ARID4B: variants seen among roughly 807,000 people sequenced by gnomAD.
ARID4B encodes the protein AT-rich interactive domain-containing protein 4B.
A neutral mutation model predicts 147.5 loss-of-function variants in ARID4B; 26 were observed. The ratio of observed to expected loss-of-function variants is 0.18; its 90% CI spans 0.13 to 0.24. The LOEUF (loss-of-function observed/expected upper bound fraction) is 0.24, where lower values mean the gene tolerates loss of function less well. ARID4B is among the 10% of genes least tolerant of loss of function. ARID4B has a pLI of 1.00. For missense variants in ARID4B, 1,179 were observed against 1,511.5 expected, an observed-to-expected ratio of 0.78 and a Z score of 3.65; for synonymous variants, 512 against 507.9, an observed-to-expected ratio of 1.01 and a Z score of -0.11.
intron 2 of ARID4B, among the ~76,000 whole-genome samples, chr1:235,309,652 C>A (rs1464262235): frequency 8.0e-6 from 1 of 125,338 alleles, no homozygotes. Flanking sequence ...TCTGCCCGGC[C>A]GCCACCCCGT....
chr1:235,304,902 C>T (rs902247732), intron 2 of ARID4B, among the ~76,000 whole-genome samples: 1 of 152,076 alleles, frequency 6.6e-6, no homozygotes, highest in Non-Finnish European at 1.5e-5. Context: ...ATAGCGAGGC[C>T]TAAGAAGCTA....
chr1:235,211,706 A>G (rs1369838900), intron 17 of ARID4B, among the ~76,000 whole-genome samples: 4 of 152,156 alleles, frequency 2.6e-5, no homozygotes, highest in Admixed American at 6.5e-5. Flanking sequence ...AGTAGCTGGG[A>G]CTACAGGCAT....
chr1:235,286,044 G>GGTTTT (rs71172286), intron 2 of ARID4B, among the ~76,000 whole-genome samples: 34 of 138,540 alleles, frequency 2.5e-4, no homozygotes, highest in Non-Finnish European at 4.0e-4. Context: ...CTGGCTTTTG[G>GGTTTT]GTTTTGTTTT....
At chr1:235,281,949 G>A (rs1671696376) in intron 2 of ARID4B, among the ~76,000 whole-genome samples, 1 of 152,112 alleles carries the variant, frequency 6.6e-6, no homozygotes, top group South Asian at 2.1e-4. Flanking sequence ...ATACTTTTCA[G>A]ATACAAAATG....
chr1:235,255,591 A>G, intron 5 of ARID4B, 69 bp downstream of exon 5: 1 of 992,970 alleles, frequency 1.0e-6, no homozygotes, highest in East Asian at 2.7e-5. Flanking sequence ...AGGAAATTTC[A>G]TTTTATTTGT....
At chr1:235,196,182 A>G in intron 17 of ARID4B, 67 bp from the exon 18 acceptor site, 1 of 738,216 alleles carries the variant, frequency 1.4e-6, no homozygotes. Context: ...ATGCCATATT[A>G]AAGAGAAACT....
At chr1:235,288,262 T>A (rs565774018) in intron 2 of ARID4B, among the ~76,000 whole-genome samples, 9 of 152,214 alleles carry the variant, frequency 5.9e-5, no homozygotes, top group African/African-American at 2.2e-4. Flanking sequence ...TAAGCTGAGA[T>A]TGCACCACTG....
chr1:235,227,390 A>G (rs1303434079), intron 11 of ARID4B, among the ~76,000 whole-genome samples: 1 of 152,226 alleles, frequency 6.6e-6, no homozygotes, highest in Non-Finnish European at 1.5e-5. Flanking sequence ...CAGGGAGAAG[A>G]CTGAAGCAGG....
rs1455626923 is a variant in ARID4B at position 235,260,637 on chromosome 1, T to G, written c.117+5A>C. 1 of 1,579,130 alleles carries G rather than the reference T, an allele frequency of 6.3e-7. No homozygotes were observed. Among genetic ancestry groups the G allele is most frequent in the Admixed American group, 1.8e-5 (1 of 55,180 alleles). On this transcript the variant is annotated splice_donor_5th_base_variant and intron_variant, in intron 3 of 23. Coordinates refer to ENST00000264183, the MANE Select transcript of ARID4B (RefSeq NM_016374.6). ...TACAATTTATGAAATCTATAAATAC[T>G]GTACCTTGACTTTGACAAGTCTTTT... is the stretch of plus-strand genomic sequence containing the variant.
intron 7 of ARID4B, among the ~76,000 whole-genome samples, chr1:235,244,973 C>T (rs1011241953): frequency 1.3e-5 from 2 of 152,178 alleles, no homozygotes; most frequent in Non-Finnish European, 2.9e-5. Context: ...AAACGCCAAG[C>T]AAGAGTAACA....
At chr1:235,222,491 G>A (rs1016017016) in intron 13 of ARID4B, among the ~76,000 whole-genome samples, 1 of 151,914 alleles carries the variant, frequency 6.6e-6, no homozygotes, top group Non-Finnish European at 1.5e-5. Flanking sequence ...TTTATATTCT[G>A]AAAGGGATTA....
At chr1:235,194,576 T>A (rs965867220) in intron 18 of ARID4B, among the ~76,000 whole-genome samples, 4 of 152,080 alleles carry the variant, frequency 2.6e-5, no homozygotes, top group Admixed American at 6.6e-5. Context: ...ATCCCAGCAC[T>A]TTGGGAGGCC....
intron 23 of ARID4B, among the ~76,000 whole-genome samples, chr1:235,169,968 T>A (rs1361048076): frequency 6.6e-6 from 1 of 152,180 alleles, no homozygotes. Flanking sequence ...GGCCTCTCTG[T>A]TATAAATTAG....
intron 8 of ARID4B, among the ~76,000 whole-genome samples, chr1:235,235,578 T>C (rs1326433560): frequency 6.6e-6 from 1 of 152,206 alleles, no homozygotes; most frequent in East Asian, 1.9e-4. Flanking sequence ...TGTATGTTAT[T>C]TTCTTGGTCA....
At chr1:235,310,571 T>G (rs1673977409) in intron 2 of ARID4B, among the ~76,000 whole-genome samples, 1 of 152,240 alleles carries the variant, frequency 6.6e-6, no homozygotes, top group Non-Finnish European at 1.5e-5. Context: ...ATGTGCCATA[T>G]AACTGTACGG....
At chr1:235,247,472 T>C (rs934089274) in intron 6 of ARID4B, among the ~76,000 whole-genome samples, 10 of 152,190 alleles carry the variant, frequency 6.6e-5, no homozygotes, top group Non-Finnish European at 1.5e-4. Context: ...TTAGAATATA[T>C]GTAAATGTGT....
intron 2 of ARID4B, among the ~76,000 whole-genome samples, chr1:235,269,199 G>A (rs1402516371): frequency 6.6e-6 from 1 of 152,152 alleles, no homozygotes; most frequent in Non-Finnish European, 1.5e-5. Context: ...TTAAAATGTA[G>A]AAAAGATAAA....
At chr1:235,270,761 T>G (rs1338808650) in intron 2 of ARID4B, among the ~76,000 whole-genome samples, 3 of 152,232 alleles carry the variant, frequency 2.0e-5, no homozygotes, top group African/African-American at 7.2e-5. Context: ...TTATTTGTCA[T>G]CTTGCTAGTG....
chr1:235,286,013 C>T (rs966810094), intron 2 of ARID4B, among the ~76,000 whole-genome samples: 16 of 151,598 alleles, frequency 1.1e-4, no homozygotes, highest in East Asian at 9.7e-4. Flanking sequence ...ACTGAGTTAA[C>T]GCTCATTCAC....
Sources: gnomAD v4.1 joint callset for allele counts (sites outside exome capture counted in the v4.1 genomes callset) on GRCh38, gnomAD v4.1.1 for gene constraint, MANE v1.5 for transcripts, NCBI Gene and HGNC (gene_info 2026-07-23, HGNC 2026-07-21) for gene names.